GRM1: variants seen among roughly 807,000 people sequenced by gnomAD.
GRM1 encodes the protein glutamate metabotropic receptor 1.
GRM1 carries 33 observed loss-of-function variants against 90.9 expected under a neutral mutation model. That is an observed-to-expected ratio of 0.36 (90% CI 0.28 to 0.49). The LOEUF is 0.49. Ranked by LOEUF, GRM1 falls within the 20% of genes least tolerant of loss-of-function variation. The pLI is 0.99. For missense variants in GRM1, 1,190 were observed against 1,534.3 expected, an observed-to-expected ratio of 0.78 and a Z score of 3.75; for synonymous variants, 700 against 613.2, an observed-to-expected ratio of 1.14 and a Z score of -2.09.
Position 146,266,087 on chromosome 6 carries a change from G to T in GRM1, c.951-38524G>T, listed in dbSNP as rs1055716333. 3.3e-5 allele frequency among the ~76,000 whole-genome samples: 5 copies of T among 152,206 alleles called. No individual in the cohort carries two copies. The East Asian group carries it at 9.7e-4, about 29-fold the overall frequency. ...GCCTGTAATCCCAGCTACTTGGGAGGCTGAGGCAAGGGAATTGCTTGAACC... is the reference window on the plus strand; with the variant it reads ...GCCTGTAATCCCAGCTACTTGGGAGTCTGAGGCAAGGGAATTGCTTGAACC... On this transcript the variant is annotated intron_variant, in intron 2 of 7. Transcript: ENST00000282753.
Position 146,144,487 on chromosome 6 carries a change from A to C in GRM1, c.701-14861A>C, listed in dbSNP as rs1200962954. The stretch of plus-strand genomic sequence containing the variant: ...TGCCTCAGGACTCTGCAGTGTCCCC[A>C]CTAGCAACAAGGCTCTTACCAGACG... On this transcript the variant is annotated intron_variant, in intron 1 of 7. Transcript: ENST00000282753. Among the ~76,000 whole-genome samples the C allele has an allele frequency of 2.0e-5, 3 of 152,236 alleles. No homozygotes were observed. The South Asian group carries it at 6.2e-4, about 31-fold the overall frequency.
intron 7 of GRM1, among the ~76,000 whole-genome samples, chr6:146,413,687 C>T (rs1191589697): frequency 6.6e-6 from 1 of 152,194 alleles, no homozygotes; most frequent in South Asian, 2.1e-4. Context: ...AGGACATTGC[C>T]CTCACTCTAG....
intron 2 of GRM1, among the ~76,000 whole-genome samples, chr6:146,285,791 C>T (rs923588299): frequency 6.6e-6 from 1 of 152,148 alleles, no homozygotes; most frequent in Non-Finnish European, 1.5e-5. Context: ...GTTTCTCCTG[C>T]TGTTTATTTA....
At chr6:146,082,833 G>A (rs549148757) in intron 1 of GRM1, among the ~76,000 whole-genome samples, 8 of 152,260 alleles carry the variant, frequency 5.3e-5, no homozygotes, top group African/African-American at 1.2e-4. Context: ...GGGCAGTATG[G>A]CCATTTTCAT....
intron 3 of GRM1, among the ~76,000 whole-genome samples, chr6:146,325,908 C>T (rs1174128390): frequency 2.0e-5 from 3 of 152,090 alleles, no homozygotes; most frequent in South Asian, 2.1e-4. Flanking sequence ...ACATCCACTT[C>T]CTTATATTTA....
At chr6:146,193,987 C>T (rs921320338) in intron 2 of GRM1, among the ~76,000 whole-genome samples, 1 of 151,732 alleles carries the variant, frequency 6.6e-6, no homozygotes, top group Non-Finnish European at 1.5e-5. Flanking sequence ...ACTTGTTTAC[C>T]TTCTCTTCAA....
chr6:146,112,754 T>A (rs533497185), intron 1 of GRM1, among the ~76,000 whole-genome samples: 2 of 152,270 alleles, frequency 1.3e-5, no homozygotes, highest in Admixed American at 6.5e-5. Flanking sequence ...GCCTCTTGGG[T>A]TTTATGCAAC....
intron 1 of GRM1, among the ~76,000 whole-genome samples, chr6:146,151,756 T>A (rs893664486): frequency 6.6e-6 from 1 of 152,192 alleles, no homozygotes; most frequent in Non-Finnish European, 1.5e-5. Context: ...TTTACCCCCA[T>A]TTTCAGTGCC....
At chr6:146,216,747 C>T (rs765846500) in intron 2 of GRM1, among the ~76,000 whole-genome samples, 10 of 152,202 alleles carry the variant, frequency 6.6e-5, no homozygotes, top group Non-Finnish European at 8.8e-5. Context: ...CCACCTCACA[C>T]GCTGAAGTCA....
intron 2 of GRM1, among the ~76,000 whole-genome samples, chr6:146,241,025 C>A (rs904230436): frequency 8.5e-5 from 13 of 152,076 alleles, no homozygotes; most frequent in African/African-American, 2.9e-4. Context: ...GTCTACTTGC[C>A]AGGGATGCAG....
intron 6 of GRM1, among the ~76,000 whole-genome samples, chr6:146,391,978 T>C (rs1334083162): frequency 6.6e-6 from 1 of 152,154 alleles, no homozygotes; most frequent in East Asian, 1.9e-4. Context: ...CTGTATTTGA[T>C]GCACTGTATA....
chr6:146,314,008 TTTTGAGATTCATGATTGCACTG>T, intron 3 of GRM1, among the ~76,000 whole-genome samples: 1 of 151,690 alleles, frequency 6.6e-6, no homozygotes, highest in African/African-American at 2.4e-5. Context: ...AGCACAATTA[TTTTGAGATTCATGATTGCACTG>T]TATATATCAA....
At chr6:146,301,272 TTAAC>T (rs1783368694) in intron 2 of GRM1, among the ~76,000 whole-genome samples, 1 of 152,188 alleles carries the variant, frequency 6.6e-6, no homozygotes, top group Non-Finnish European at 1.5e-5. Flanking sequence ...GTGAAGGTCT[TTAAC>T]TAGTGGTTAA....
At chr6:146,337,851 CT>C (rs1341155367) in intron 3 of GRM1, among the ~76,000 whole-genome samples, 1 of 152,162 alleles carries the variant, frequency 6.6e-6, no homozygotes, top group Non-Finnish European at 1.5e-5. Context: ...TTTACTTCCC[CT>C]AGTAACTAAA....
At position 146,436,441 on chromosome 6, in the gene GRM1, G is replaced by A. The variant is rs1022434441; in HGVS notation, c.*1645G>A. On this transcript the variant is annotated 3_prime_UTR_variant, in exon 8 of 8. Transcript: ENST00000282753. ...TGAACAAAGCATTTAGATTATTCCAGGTTATATCATTTTTTTAAAGATTTT... is the reference window on the plus strand; with the variant it reads ...TGAACAAAGCATTTAGATTATTCCAAGTTATATCATTTTTTTAAAGATTTT... 4 of 152,136 alleles carry A rather than the reference G, an allele frequency of 2.6e-5. No individual in the cohort carries two copies. The highest frequency in any genetic ancestry group is 6.5e-5 in the Admixed American group (1 of 15,278). The allele number at this position is 152,136 out of a possible 1,614,324, so 9.4% of individuals were successfully genotyped here. A position where few individuals can be genotyped will look rare whatever the true frequency, so the allele number is the denominator to read the frequency against.
chr6:146,212,685 A>G (rs546573019), intron 2 of GRM1, among the ~76,000 whole-genome samples: 1 of 152,336 alleles, frequency 6.6e-6, no homozygotes, highest in South Asian at 2.1e-4. Context: ...TGTTGAATAC[A>G]TGATGGCTAA....
intron 1 of GRM1, among the ~76,000 whole-genome samples, chr6:146,128,324 A>T (rs889923601): frequency 5.9e-5 from 9 of 152,094 alleles, no homozygotes; most frequent in African/African-American, 1.7e-4. Context: ...TAATAATAGG[A>T]TATGTTTATC....
At chr6:146,220,346 T>G (rs1433104088) in intron 2 of GRM1, among the ~76,000 whole-genome samples, 3 of 152,156 alleles carry the variant, frequency 2.0e-5, no homozygotes, top group Non-Finnish European at 4.4e-5. Flanking sequence ...GAAATTTTTT[T>G]CACATTGCTG....
At chr6:146,180,922 A>G (rs1778528987) in intron 2 of GRM1, among the ~76,000 whole-genome samples, 2 of 152,214 alleles carry the variant, frequency 1.3e-5, no homozygotes, top group African/African-American at 4.8e-5. Context: ...GGTTAGCTCT[A>G]GGTATAATGG....
Sources: gnomAD v4.1 joint callset for allele counts (sites outside exome capture counted in the v4.1 genomes callset) on GRCh38, gnomAD v4.1.1 for gene constraint, MANE v1.5 for transcripts, NCBI Gene and HGNC (gene_info 2026-07-23, HGNC 2026-07-21) for gene names.